WDPCP: variants seen among roughly 807,000 people sequenced by gnomAD.
WDPCP encodes the protein WD repeat containing planar cell polarity effector.
Under a neutral mutation model 93.1 loss-of-function variants are expected in WDPCP, and 71 were observed. The ratio of observed to expected loss-of-function variants is 0.76; its 90% CI spans 0.63 to 0.93. WDPCP has a LOEUF of 0.93. Ranked by LOEUF, WDPCP falls within the 40% of genes least tolerant of loss-of-function variation. The pLI is 0.00. For synonymous variants in WDPCP, 315 were observed against 315.0 expected, an observed-to-expected ratio of 1.00 and a Z score of 0.00; for missense variants, 844 against 887.4, an observed-to-expected ratio of 0.95 and a Z score of 0.62.
At chr2:63,467,874 C>A (rs1699449122) in intron 6 of WDPCP, among the ~76,000 whole-genome samples, 1 of 151,154 alleles carries the variant, frequency 6.6e-6, no homozygotes, top group Admixed American at 6.6e-5. Context: ...TCCTCAGGTA[C>A]AATGTTGTGT....
At chr2:63,479,086 AG>A (rs1226156590) in intron 6 of WDPCP, among the ~76,000 whole-genome samples, 1 of 152,088 alleles carries the variant, frequency 6.6e-6, no homozygotes, top group Non-Finnish European at 1.5e-5. Flanking sequence ...TAGAAAACCT[AG>A]AAGAGACGGA....
chr2:63,447,059 G>T (rs1027754996), intron 6 of WDPCP, among the ~76,000 whole-genome samples: 1 of 152,130 alleles, frequency 6.6e-6, no homozygotes, highest in Non-Finnish European at 1.5e-5. Flanking sequence ...AGATAAATAA[G>T]TTTAATTAAT....
intron 2 of WDPCP, among the ~76,000 whole-genome samples, chr2:63,763,393 C>T (rs1191707615): frequency 1.3e-5 from 2 of 151,658 alleles, no homozygotes; most frequent in African/African-American, 4.8e-5. Flanking sequence ...ATTCCAGCTA[C>T]TCAGGAGGCT....
chr2:63,537,903 T>C (rs900981328), intron 1 of WDPCP, among the ~76,000 whole-genome samples: 1 of 152,230 alleles, frequency 6.6e-6, no homozygotes. Context: ...ACATAGTAAA[T>C]GTTCTATAAA....
intron 1 of WDPCP, among the ~76,000 whole-genome samples, chr2:63,514,789 G>C (rs944339359): frequency 6.6e-6 from 1 of 152,186 alleles, no homozygotes; most frequent in East Asian, 1.9e-4. Context: ...TGGATAGAGA[G>C]AGAGTGATAG....
chr2:63,507,072 G>T (rs937531624), intron 1 of WDPCP, among the ~76,000 whole-genome samples: 1 of 151,762 alleles, frequency 6.6e-6, no homozygotes, highest in African/African-American at 2.4e-5. Flanking sequence ...GACAATGGAA[G>T]GAAATAAATT....
At chr2:63,717,626 C>T in intron 2 of WDPCP, 1 of 525,764 alleles carries the variant, frequency 1.9e-6, no homozygotes, top group South Asian at 1.4e-5. Flanking sequence ...CCTAGTGACC[C>T]CATGTTAAGC....
At chr2:63,418,708 A>G (rs781554118) in intron 9 of WDPCP, among the ~76,000 whole-genome samples, 3 of 152,234 alleles carry the variant, frequency 2.0e-5, no homozygotes, top group Non-Finnish European at 4.4e-5. Context: ...GAAAAGGCAA[A>G]CAGTAAGAAG....
intron 14 of WDPCP, among the ~76,000 whole-genome samples, chr2:63,246,344 T>A (rs759359772): frequency 2.6e-5 from 4 of 152,158 alleles, no homozygotes; most frequent in Non-Finnish European, 5.9e-5. Context: ...GAAGCTGGCC[T>A]GGGTGATGAC....
rs142436522 is a variant in WDPCP at position 63,490,381 on chromosome 2, C to T, written c.160+2475G>A. Among the ~76,000 whole-genome samples the T allele has an allele frequency of 5.3e-5, 8 of 152,022 alleles. No individual in the cohort carries two copies. The East Asian group carries it at 1.4e-3, about 26-fold the overall frequency. ...AAAGCATCAGGCTACAACTCTCAAA[C>T]GGTTCAAGAAAAAAAATTCTCTGTA... On this transcript the variant is annotated intron_variant, in intron 2 of 17. Coordinates refer to ENST00000272321, the MANE Select transcript of WDPCP (RefSeq NM_015910.7).
At chr2:63,723,558 A>T (rs1255215195) in intron 2 of WDPCP, among the ~76,000 whole-genome samples, 1 of 152,202 alleles carries the variant, frequency 6.6e-6, no homozygotes, top group Non-Finnish European at 1.5e-5. Flanking sequence ...CCCTCACACA[A>T]TGCTTTGCAC....
At chr2:63,766,037 T>C (rs978352079) in intron 2 of WDPCP, among the ~76,000 whole-genome samples, 1 of 152,222 alleles carries the variant, frequency 6.6e-6, no homozygotes, top group African/African-American at 2.4e-5. Context: ...CCATCTTGTT[T>C]AGAGCACTAG....
intron 14 of WDPCP, among the ~76,000 whole-genome samples, chr2:63,212,169 A>G (rs1271305286): frequency 2.0e-5 from 3 of 152,186 alleles, no homozygotes; most frequent in Admixed American, 6.5e-5. Context: ...AAATTGTCAG[A>G]TTCACCGAAG....
At chr2:63,444,533 C>G (rs1473798589) in intron 6 of WDPCP, among the ~76,000 whole-genome samples, 1 of 152,032 alleles carries the variant, frequency 6.6e-6, no homozygotes, top group Non-Finnish European at 1.5e-5. Flanking sequence ...TGGAAAGGGT[C>G]TATGTAAGAT....
chr2:63,428,565 G>C (rs568099227), intron 9 of WDPCP, among the ~76,000 whole-genome samples: 1 of 152,052 alleles, frequency 6.6e-6, no homozygotes, highest in Non-Finnish European at 1.5e-5. Flanking sequence ...ACTCGGTATC[G>C]AAGGAACATA....
chr2:63,512,274 C>A lies in WDPCP; in HGVS notation c.76-19334G>T, dbSNP rs1015535473. Among the ~76,000 whole-genome samples, 3 of 152,172 alleles carry A rather than the reference C, an allele frequency of 2.0e-5. No individual in the cohort carries two copies. The South Asian group carries it at 6.2e-4, about 32-fold the overall frequency. ...TAGAGAGTATGTGGAGAAACAGGAACGCTTTTACACTGTTGGTGGGAGTGT... is the reference window on the plus strand; with the variant it reads ...TAGAGAGTATGTGGAGAAACAGGAAAGCTTTTACACTGTTGGTGGGAGTGT... On this transcript the variant is annotated intron_variant, in intron 1 of 17. Transcript: ENST00000272321.
intron 12 of WDPCP, among the ~76,000 whole-genome samples, chr2:63,347,230 C>G (rs1224001662): frequency 6.6e-6 from 1 of 152,116 alleles, no homozygotes; most frequent in African/African-American, 2.4e-5. Context: ...TGAGAAAACT[C>G]AAGTACAGAG....
intron 17 of WDPCP, among the ~76,000 whole-genome samples, chr2:63,123,787 A>G (rs1669704016): frequency 6.6e-6 from 1 of 151,908 alleles, no homozygotes; most frequent in African/African-American, 2.4e-5. Flanking sequence ...TAGTTATACA[A>G]AACTAAAGTT....
chr2:63,751,706 A>G, intron 2 of WDPCP: 1 of 530,218 alleles, frequency 1.9e-6, no homozygotes, highest in East Asian at 4.2e-5. Flanking sequence ...ATCTTCTCCC[A>G]TTGCTGTAAC....
Sources: gnomAD v4.1 joint callset for allele counts (sites outside exome capture counted in the v4.1 genomes callset) on GRCh38, gnomAD v4.1.1 for gene constraint, MANE v1.5 for transcripts, NCBI Gene and HGNC (gene_info 2026-07-23, HGNC 2026-07-21) for gene names.